The following CFAP20DC variants were observed in gnomAD, a reference collection of about 807,000 sequenced individuals.
CFAP20DC encodes the protein CFAP20 domain containing, also known as protein CFAP20DC.
A neutral mutation model predicts 101.7 loss-of-function variants in CFAP20DC; 84 were observed. That is an observed-to-expected ratio of 0.83 (90% CI 0.69 to 0.99). The LOEUF is 0.99. Among genes scored for constraint, CFAP20DC ranks in the 50% least tolerant of loss-of-function variants. The pLI, the probability that CFAP20DC is intolerant of heterozygous loss-of-function variation, is 0.00. For synonymous variants in CFAP20DC, 359 were observed against 351.2 expected (o/e 1.02, Z -0.25); for missense variants, 1,007 against 970.3 (o/e 1.04, Z -0.50).
intron 4 of CFAP20DC, among the ~76,000 whole-genome samples, chr3:59,012,360 T>A (rs1392191186): frequency 6.6e-6 from 1 of 152,164 alleles, no homozygotes; most frequent in Non-Finnish European, 1.5e-5. Flanking sequence ...TTAGACAGCA[T>A]AAGGCTGAGG....
At chr3:58,958,286 T>C (rs147162171) in intron 4 of CFAP20DC, among the ~76,000 whole-genome samples, 114 of 152,314 alleles carry the variant, frequency 7.5e-4, no homozygotes, top group African/African-American at 2.6e-3. Flanking sequence ...AAAAAATATA[T>C]AAAATATTTT....
At chr3:58,765,130 C>T (rs186733592) in intron 15 of CFAP20DC, among the ~76,000 whole-genome samples, 1 of 152,272 alleles carries the variant, frequency 6.6e-6, no homozygotes, top group Admixed American at 6.5e-5. Flanking sequence ...ACCTATAGAA[C>T]TGAAGACAAT....
At chr3:58,829,002 A>G (rs1012989154) in intron 14 of CFAP20DC, among the ~76,000 whole-genome samples, 2 of 152,142 alleles carry the variant, frequency 1.3e-5, no homozygotes, top group Non-Finnish European at 2.9e-5. Context: ...TGGCTAAAGG[A>G]TCAATATGGA....
chr3:59,047,178 G>A lies in CFAP20DC; in HGVS notation c.98C>T (p.Ser33Phe). The change falls in exon 2 of 17, where the codon TCT becomes TTT. Residue 33 changes from serine (S) to phenylalanine (F), a missense_variant. Ser to Phe is a radical substitution (Grantham distance 155). Transcript: ENST00000482387. ...TCTAATACTTACTTTCCAAATCACA[G>A]ATGGACTACCAAGGATCTTCCATTT... ...GAKWKILGSP[S>F]VIWKEFDKEV... 1 of 1,533,262 alleles carries A rather than the reference G, an allele frequency of 6.5e-7. No homozygotes were observed. The highest frequency in any genetic ancestry group is 8.7e-7 in the Non-Finnish European group (1 of 1,144,570). The allele number at this position is 1,533,262 out of a possible 1,614,324, so 95.0% of individuals were successfully genotyped here.
intron 14 of CFAP20DC, among the ~76,000 whole-genome samples, chr3:58,828,740 T>C (rs2076204850): frequency 6.6e-6 from 1 of 152,026 alleles, no homozygotes; most frequent in Non-Finnish European, 1.5e-5. Context: ...TACCCCAGTC[T>C]TCAGTATCAT....
chr3:58,720,588 C>A (rs114531008), intron 3 of CFAP20DC, among the ~76,000 whole-genome samples: 2 of 152,164 alleles, frequency 1.3e-5, no homozygotes, highest in Non-Finnish European at 2.9e-5. Context: ...TGCTGCCAGT[C>A]GCACATTATT....
chr3:58,859,909 T>C lies in CFAP20DC; in HGVS notation c.1593+3649A>G, dbSNP rs2079107768. Reference sequence around the variant, plus strand: ...AAAATCATTACTTGGCCAGGCGCGATGGCTCATGCCTGTAATCCCAGCACT... The same window carrying C: ...AAAATCATTACTTGGCCAGGCGCGACGGCTCATGCCTGTAATCCCAGCACT... On this transcript the variant is annotated intron_variant, in intron 12 of 16. Coordinates refer to ENST00000482387, the MANE Select transcript of CFAP20DC (RefSeq NM_001394063.1). This position sits in a 1 kb window ranked among gnomAD's most constrained non-coding sequence, Gnocchi z 4.1. Among the ~76,000 whole-genome samples the C allele has an allele frequency of 6.6e-6, 1 of 152,148 alleles. No homozygotes were observed. The highest frequency in any genetic ancestry group is 2.4e-5 in the African/African-American group (1 of 41,436).
chr3:58,895,694 A>G (rs1429792843), intron 6 of CFAP20DC, among the ~76,000 whole-genome samples: 3 of 152,072 alleles, frequency 2.0e-5, no homozygotes, highest in African/African-American at 7.2e-5. Context: ...ATTGGTACCA[A>G]TTTACTGTAT....
At chr3:58,822,379 C>G (rs797018673) in intron 14 of CFAP20DC, among the ~76,000 whole-genome samples, 1 of 126,696 alleles carries the variant, frequency 7.9e-6, no homozygotes, top group Non-Finnish European at 1.7e-5. Context: ...TAGGTGGGAA[C>G]TGAACAATGA....
At chr3:58,852,928 G>C (rs1386635485) in intron 12 of CFAP20DC, among the ~76,000 whole-genome samples, 1 of 151,764 alleles carries the variant, frequency 6.6e-6, no homozygotes, top group African/African-American at 2.4e-5. Context: ...AAAAGAACTA[G>C]AAAAGCAAGA....
intron 4 of CFAP20DC, among the ~76,000 whole-genome samples, chr3:59,008,215 A>G (rs991034420): frequency 6.6e-6 from 1 of 152,206 alleles, no homozygotes; most frequent in Admixed American, 6.5e-5. Flanking sequence ...AGATGAAAAG[A>G]GATGCCTGTC....
intron 15 of CFAP20DC, among the ~76,000 whole-genome samples, chr3:58,764,501 C>T (rs185080452): frequency 5.3e-5 from 8 of 152,300 alleles, no homozygotes; most frequent in Non-Finnish European, 1.2e-4. Flanking sequence ...GGCGATGCCT[C>T]GCCCTGCTTC....
chr3:58,718,483 C>G (rs2067426511), intron 3 of CFAP20DC, among the ~76,000 whole-genome samples: 1 of 152,178 alleles, frequency 6.6e-6, no homozygotes, highest in African/African-American at 2.4e-5. Flanking sequence ...ATCCTCTGTC[C>G]ACTCTGGGGC....
At chr3:58,829,320 C>CA (rs551685231) in intron 14 of CFAP20DC, among the ~76,000 whole-genome samples, 7,163 of 59,134 alleles carry the variant, frequency 0.12, 375 homozygotes, top group East Asian at 0.42. Context: ...GACTCAGTCT[C>CA]AAAAAAAAAA....
chr3:58,858,260 T>C (rs2078992727), intron 12 of CFAP20DC, among the ~76,000 whole-genome samples: 1 of 152,212 alleles, frequency 6.6e-6, no homozygotes, highest in Non-Finnish European at 1.5e-5. Context: ...ATTTGTTTGT[T>C]AAATATTCAG....
chr3:58,908,798 C>T (rs796403166), intron 6 of CFAP20DC, among the ~76,000 whole-genome samples: 4 of 152,250 alleles, frequency 2.6e-5, no homozygotes, highest in African/African-American at 9.6e-5. Context: ...TACATGTATA[C>T]AATGGAATAT....
Position 59,047,230 on chromosome 3 carries a change from T to C in CFAP20DC, c.46A>G (p.Ser16Gly), listed in dbSNP as rs1029085928. The C allele has an allele frequency of 3.2e-5, 49 of 1,534,752 alleles. No homozygotes were observed. Among genetic ancestry groups the C allele is most frequent in the Non-Finnish European group, 3.0e-5 (34 of 1,145,898 alleles). ...YQGGAFVEIF[S>G]AQGKNPGAKW... ...GCTCCAGGATTTTTTCCTTGAGCAC[T>C]GAAAATTTCAACAAATGCACCTCCC... Residue 16 changes from serine to glycine, a missense_variant, in exon 2 of 17, where the codon AGT becomes GGT. Transcript: ENST00000482387.
At chr3:58,808,441 A>T (rs1377987611) in intron 14 of CFAP20DC, among the ~76,000 whole-genome samples, 2 of 152,240 alleles carry the variant, frequency 1.3e-5, no homozygotes, top group African/African-American at 4.8e-5. Flanking sequence ...TTTTCAACCC[A>T]GAATTTCATA....
chr3:58,739,760 C>T (rs1440003209), downstream of CFAP20DC, among the ~76,000 whole-genome samples: 6 of 152,160 alleles, frequency 3.9e-5, no homozygotes, highest in Non-Finnish European at 8.8e-5. Flanking sequence ...AATTTGATAA[C>T]CAGTGAACAT....
Sources: gnomAD v4.1 joint callset for allele counts (sites outside exome capture counted in the v4.1 genomes callset) on GRCh38, gnomAD v4.1.1 for gene constraint, Gnocchi (gnomAD v3.1) non-coding constraint, MANE v1.5 for transcripts, NCBI Gene and HGNC (gene_info 2026-07-23, HGNC 2026-07-21) for gene names.